Variants in ADIPOR1 observed in about 807,000 individuals in gnomAD.
The protein encoded by ADIPOR1 is adiponectin receptor 1.
In ADIPOR1, 15 loss-of-function variants were observed where a neutral mutation model predicts 37.5. The ratio of observed to expected loss-of-function variants is 0.40; its 90% CI spans 0.27 to 0.62. The LOEUF is 0.62. ADIPOR1 is among the 20% of genes least tolerant of loss of function. The probability of loss-of-function intolerance (pLI) is 0.42; values close to 1 mark genes in which losing one functional copy is unlikely to be tolerated. For missense variants in ADIPOR1, 286 were observed against 478.0 expected, an observed-to-expected ratio of 0.60 and a Z score of 3.75; for synonymous variants, 173 against 173.2, an observed-to-expected ratio of 1.00 and a Z score of 0.01.
At chr1:202,957,305 C>T (rs146290353) in intron 1 of ADIPOR1, among the ~76,000 whole-genome samples, 5 of 152,142 alleles carry the variant, frequency 3.3e-5, no homozygotes, top group African/African-American at 1.2e-4. Flanking sequence ...ATGTATTCTC[C>T]GCTGTATTTT....
chr1:202,956,705 AAGAACAC>A (rs967233676), intron 1 of ADIPOR1, among the ~76,000 whole-genome samples: 1 of 152,228 alleles, frequency 6.6e-6, no homozygotes, highest in African/African-American at 2.4e-5. Flanking sequence ...CATGCCATGA[AAGAACAC>A]AGTCCCCAGG....
intron 6 of ADIPOR1, among the ~76,000 whole-genome samples, chr1:202,943,147 C>T (rs1030748820): frequency 4.6e-5 from 7 of 152,148 alleles, no homozygotes; most frequent in African/African-American, 1.2e-4. Flanking sequence ...GGATTACAGG[C>T]GTGAGCCACT....
At chr1:202,946,026 TAAA>T (rs1003834555) in intron 4 of ADIPOR1, among the ~76,000 whole-genome samples, 1 of 122,786 alleles carries the variant, frequency 8.1e-6, no homozygotes, top group East Asian at 2.3e-4. Context: ...GCTATTGAAA[TAAA>T]AAAAAAATCA....
rs1429129817 is a variant in ADIPOR1, at chr1:202,958,288, C to T, written c.-198G>A. The T allele has an allele frequency of 6.6e-6, 1 of 152,266 alleles. No individual in the cohort carries two copies. The highest frequency in any genetic ancestry group is 1.5e-5 in the Non-Finnish European group (1 of 68,118). 9.4% of individuals were successfully genotyped at this position (152,266 alleles called of 1,614,324 possible). ...GCGGCCCCGATCTTCAGCGCCCTCC[C>T]CGCGCCGGAAGGGGCGCGCGACCTC... On this transcript the variant is annotated 5_prime_UTR_variant, in exon 1 of 8. Transcript: ENST00000340990.
At chr1:202,946,303 T>A (rs1654314259) in intron 4 of ADIPOR1, 136 bp downstream of exon 4, 1 of 1,042,042 alleles carries the variant, frequency 9.6e-7, no homozygotes, top group Non-Finnish European at 1.4e-6. Context: ...CAACCAAGGT[T>A]ATTAGCTTAA....
intron 4 of ADIPOR1, among the ~76,000 whole-genome samples, chr1:202,946,027 A>T (rs1184200891): frequency 2.1e-5 from 3 of 141,138 alleles, no homozygotes; most frequent in Non-Finnish European, 4.6e-5. Context: ...CTATTGAAAT[A>T]AAAAAAAAAT....
chr1:202,942,976 C>A lies in ADIPOR1; in HGVS notation c.806-758G>T, dbSNP rs570414715. On this transcript the variant is annotated intron_variant, in intron 6 of 7. Transcript: ENST00000340990. ...TGCCCCCGACCAGGTTCAAGTGATTCTCCCGCCTCAGCCTCTCAAGTAGCT... is the reference window on the plus strand; with the variant it reads ...TGCCCCCGACCAGGTTCAAGTGATTATCCCGCCTCAGCCTCTCAAGTAGCT... Among the ~76,000 whole-genome samples, 4 of 150,498 alleles carry A rather than the reference C, an allele frequency of 2.7e-5. No individual in the cohort carries two copies. The South Asian group carries it at 8.4e-4, about 31-fold the overall frequency.
At chr1:202,942,926 C>T (rs12568637) in intron 6 of ADIPOR1, among the ~76,000 whole-genome samples, 11,320 of 147,700 alleles carry the variant, frequency 0.077, 1,091 homozygotes, top group African/African-American at 0.21. Context: ...AGTGCAGTGG[C>T]GTGATCTTGG....
intron 4 of ADIPOR1, among the ~76,000 whole-genome samples, chr1:202,945,580 A>G (rs1367122927): frequency 6.6e-6 from 1 of 152,244 alleles, no homozygotes; most frequent in Non-Finnish European, 1.5e-5. Flanking sequence ...TTGTAGCACA[A>G]TTCACAACTC....
intron 1 of ADIPOR1, 27 bp from the exon 2 acceptor site, chr1:202,951,191 T>C (rs1451977845): frequency 5.2e-6 from 6 of 1,162,508 alleles, no homozygotes; most frequent in East Asian, 4.8e-5. Flanking sequence ...ACATGAAGGA[T>C]TGACAATTTA....
intron 2 of ADIPOR1, among the ~76,000 whole-genome samples, chr1:202,950,628 T>C (rs1654536047): frequency 6.6e-6 from 1 of 152,166 alleles, no homozygotes; most frequent in Admixed American, 6.5e-5. Flanking sequence ...GTGTGTTATA[T>C]GAAGTCAAAC....
rs145172300 is a variant in ADIPOR1, at chr1:202,945,249, A to C, written c.431-80T>G. Reference sequence around the variant, plus strand: ...TTGATGGTTGATGTTTTTGAATCAGAGAGCTACAGGCAACATCACTAATCA... The same window carrying C: ...TTGATGGTTGATGTTTTTGAATCAGCGAGCTACAGGCAACATCACTAATCA... On this transcript the variant is annotated intron_variant, in intron 4 of 7. Coordinates refer to ENST00000340990, the MANE Select transcript of ADIPOR1 (RefSeq NM_015999.6). 103 of 1,306,874 alleles carry C rather than the reference A, an allele frequency of 7.9e-5. No homozygotes were observed. The African/African-American group carries it at 1.5e-3, about 19-fold the overall frequency. The allele number at this position is 1,306,874 out of a possible 1,614,324, so 81.0% of individuals were successfully genotyped here. A position where few individuals can be genotyped will look rare whatever the true frequency, so the allele number is the denominator to read the frequency against.
chr1:202,957,649 C>G (rs538209766), intron 1 of ADIPOR1, among the ~76,000 whole-genome samples: 38 of 152,318 alleles, frequency 2.5e-4, no homozygotes, highest in African/African-American at 7.9e-4. Context: ...GCAGAGCGAT[C>G]ACCAACCTCC....
intron 1 of ADIPOR1, among the ~76,000 whole-genome samples, chr1:202,955,165 C>T (rs1291690572): frequency 3.9e-5 from 6 of 152,056 alleles, no homozygotes; most frequent in Non-Finnish European, 5.9e-5. Flanking sequence ...CGATGCCAAG[C>T]GTCCCAGACT....
In ADIPOR1 at chr1:202,942,015, C is replaced by T. The variant is rs1391677772; in HGVS notation, c.999+10G>A. On this transcript the variant is annotated intron_variant, in intron 7 of 7. Transcript: ENST00000340990. ...CCATCACAGGACCTGCTGGAAGATT[C>T]ATTTCTTACCCATATGTCAAATTTT... The T allele has an allele frequency of 3.7e-6, 6 of 1,605,824 alleles. No individual in the cohort carries two copies.
intron 2 of ADIPOR1, among the ~76,000 whole-genome samples, chr1:202,950,270 T>A (rs1654516785): frequency 6.6e-6 from 1 of 151,678 alleles, no homozygotes; most frequent in Admixed American, 6.5e-5. Flanking sequence ...GCCCTGATAG[T>A]CCCTTTAAAA....
chr1:202,946,617 C>T lies in ADIPOR1; in HGVS notation c.259-7G>A, dbSNP rs1558011893. 6.8e-6 allele frequency: 11 copies of T among 1,613,918 alleles called. No individual in the cohort carries two copies. The highest frequency in any genetic ancestry group is 1.3e-5 in the African/African-American group (1 of 74,972). On this transcript the variant is annotated splice_polypyrimidine_tract_variant and splice_region_variant and intron_variant, in intron 3 of 7. Coordinates refer to ENST00000340990, the MANE Select transcript of ADIPOR1 (RefSeq NM_015999.6). ...TCCAACGTCCCTCCCAGACCTAGAA[C>T]ATATACACTTTCTCTGGGTAGGGCA...
upstream of ADIPOR1, chr1:202,958,497 C>T (rs953834172): frequency 1.3e-5 from 2 of 153,130 alleles, no homozygotes; most frequent in Admixed American, 1.3e-4. Context: ...GCCAGGTAAC[C>T]TCCACCCGCC....
chr1:202,942,154 G>T lies in ADIPOR1; in HGVS notation c.870C>A (p.Gly290=). Residue 290 remains glycine (G), a synonymous_variant, in exon 7 of 8, where the codon GGC becomes GGA. Transcript: ENST00000340990. The part of the protein sequence containing the change: ...VPTMHFTIAE[G]FVKATTVGQM... ...GGCCCACTGTGGTGGCCTTGACAAAGCCCTCAGCGATAGTAAAGTGCATGG... is the reference window on the plus strand; with the variant it reads ...GGCCCACTGTGGTGGCCTTGACAAATCCCTCAGCGATAGTAAAGTGCATGG... 1 of 1,614,154 alleles carries T rather than the reference G, an allele frequency of 6.2e-7. No individual in the cohort carries two copies. The highest frequency in any genetic ancestry group is 1.1e-5 in the South Asian group (1 of 91,070).
Sources: gnomAD v4.1 joint callset for allele counts (sites outside exome capture counted in the v4.1 genomes callset) on GRCh38, gnomAD v4.1.1 for gene constraint, MANE v1.5 for transcripts, NCBI Gene and HGNC (gene_info 2026-07-23, HGNC 2026-07-21) for gene names.